Variants in TCIRG1 observed in about 807,000 individuals in gnomAD.
TCIRG1 encodes V-type proton ATPase 116 kDa subunit a 3.
Under a neutral mutation model 95.5 loss-of-function variants are expected in TCIRG1, and 86 were observed. That is an observed-to-expected ratio of 0.90 (90% CI 0.76 to 1.08). The LOEUF (loss-of-function observed/expected upper bound fraction) is 1.08, where lower values mean the gene tolerates loss of function less well. Among genes scored for constraint, TCIRG1 ranks in the 50% least tolerant of loss-of-function variants. The probability of loss-of-function intolerance (pLI) is 0.00; values close to 1 mark genes in which losing one functional copy is unlikely to be tolerated. For missense variants in TCIRG1, 1,069 were observed against 1,140.2 expected (o/e 0.94, Z 0.90); for synonymous variants, 499 against 501.3 (o/e 1.00, Z 0.06).
chr11:68,050,851 C>T lies in TCIRG1; in HGVS notation c.*32C>T. 1 of 1,607,556 alleles carries T rather than the reference C, an allele frequency of 6.2e-7. No individual in the cohort carries two copies. Among genetic ancestry groups the T allele is most frequent in the Non-Finnish European group, 8.5e-7 (1 of 1,176,996 alleles). Reference sequence around the variant, plus strand: ...CTGCAGGTCCTGCCAGACCTCCTTCCTGACCTCTGAGGCAGGAGAGGAATA... The same window carrying T: ...CTGCAGGTCCTGCCAGACCTCCTTCTTGACCTCTGAGGCAGGAGAGGAATA... On this transcript the variant is annotated 3_prime_UTR_variant, in exon 20 of 20. Coordinates refer to ENST00000265686, the MANE Select transcript of TCIRG1 (RefSeq NM_006019.4).
intron 10 of TCIRG1, among the ~76,000 whole-genome samples, chr11:68,046,106 G>A (rs12273861): frequency 6.6e-6 from 1 of 152,096 alleles, no homozygotes; most frequent in Non-Finnish European, 1.5e-5. Context: ...AGCACCAGCC[G>A]TCGGGGCAGC....
At position 68,047,966 on chromosome 11, in the gene TCIRG1, C is replaced by T. The variant is rs759410959; in HGVS notation, c.1548C>T (p.Ile516=). ...TCCTGGGACCCTACCCCTTTGGCAT[C>T]GATCCTGTGAGTCCTGGGATGGAGT... ...GVFLGPYPFG[I]DPIWSLAANH... is the part of the protein sequence containing the mutation. Residue 516 remains isoleucine, a synonymous_variant, in exon 13 of 20, where the codon ATC becomes ATT. Transcript: ENST00000265686. 9 of 1,613,484 alleles carry T rather than the reference C, an allele frequency of 5.6e-6. 1 individual carries two copies. Among genetic ancestry groups the T allele is most frequent in the South Asian group, 5.5e-5 (5 of 91,090 alleles).
At position 68,043,286 on chromosome 11, in the gene TCIRG1, G is replaced by C. The variant is rs919522080; in HGVS notation, c.504-85G>C. Reference sequence around the variant, plus strand: ...TGTGCCCAATTGCCCGATTGCCCGTGCTGGGCAGGGTCCTGCCCGGGGGGC... The same window carrying C: ...TGTGCCCAATTGCCCGATTGCCCGTCCTGGGCAGGGTCCTGCCCGGGGGGC... On this transcript the variant is annotated intron_variant, in intron 5 of 19. Transcript: ENST00000265686. The C allele has an allele frequency of 3.3e-6, 5 of 1,504,816 alleles. No homozygotes were observed. In the Admixed American group the frequency reaches 1.1e-4, roughly 33 times the overall value. 93.2% of individuals were successfully genotyped at this position (1,504,816 alleles called of 1,614,324 possible).
Position 68,050,206 on chromosome 11 carries a change from A to G in TCIRG1, c.2188A>G (p.Asn730Asp). ...CGAGTTCTGCCTGGGCTGCGTCTCC[A>G]ACACCGCCTCCTACCTGCGCCTGTG... ...TIEFCLGCVSNTASYLRLWAL... is the reference protein window; with the variant it reads ...TIEFCLGCVSDTASYLRLWAL... Residue 730 changes from asparagine to aspartate, a missense_variant, in exon 18 of 20, where the codon AAC (asparagine) becomes GAC (aspartate). Asn to Asp is a conservative substitution (Grantham distance 23). Transcript: ENST00000265686. The G allele has an allele frequency of 6.2e-7, 1 of 1,613,514 alleles. No individual in the cohort carries two copies. Among genetic ancestry groups the G allele is most frequent in the East Asian group, 2.2e-5 (1 of 44,840 alleles).
At chr11:68,052,399 G>A (rs1006328571), downstream of TCIRG1, 2 of 152,300 alleles carry the variant, frequency 1.3e-5, no homozygotes, top group Non-Finnish European at 2.9e-5. Context: ...AGGCAGAGGC[G>A]AGGGCTGAGT....
Position 68,050,184 on chromosome 11 carries a change from G to C in TCIRG1, c.2166G>C (p.Glu722Asp). ...TGCACCAGGCCATCCACACCATCGA[G>C]TTCTGCCTGGGCTGCGTCTCCAACA... ...VLMHQAIHTI[E>D]FCLGCVSNTA... Residue 722 changes from glutamate (E) to aspartate (D), a missense_variant, in exon 18 of 20, where the codon GAG becomes GAC. Transcript: ENST00000265686. 1 of 1,613,688 alleles carries C rather than the reference G, an allele frequency of 6.2e-7. No individual in the cohort carries two copies. Among genetic ancestry groups the C allele is most frequent in the Non-Finnish European group, 8.5e-7 (1 of 1,179,938 alleles).
chr11:68,044,071 C>T (rs895331456), intron 8 of TCIRG1, 61 bp from the exon 9 acceptor site: 2 of 1,447,348 alleles, frequency 1.4e-6, no homozygotes, highest in African/African-American at 1.4e-5. Flanking sequence ...GAGGTGGGTG[C>T]CCCCGGCCCA....
chr11:68,041,455 T>G, intron 2 of TCIRG1, 67 bp downstream of exon 2: 2 of 1,186,306 alleles, frequency 1.7e-6, no homozygotes, highest in Non-Finnish European at 2.5e-6. Context: ...CGGTCCAGGA[T>G]GGGGACTGCC....
At position 68,049,818 on chromosome 11, in the gene TCIRG1, T is replaced by G. The variant is rs761889459; in HGVS notation, c.2013+30T>G. ...GACCGGGGCCTAAGGTGTGGGGGGC[T>G]GCTTGCGGGGAGAGGCCACTGTCCG... On this transcript the variant is annotated intron_variant, in intron 16 of 19. Coordinates refer to ENST00000265686, the MANE Select transcript of TCIRG1 (RefSeq NM_006019.4). 3 of 1,560,588 alleles carry G rather than the reference T, an allele frequency of 1.9e-6. No homozygotes were observed. In the South Asian group the frequency reaches 3.5e-5, roughly 18 times the overall value.
At position 68,043,041 on chromosome 11, in the gene TCIRG1, G is replaced by C. The variant is rs898038011; in HGVS notation, c.503+10G>C. The stretch of plus-strand genomic sequence containing the variant: ...AGGACCTGAGGGTCAAGTGAGTGAG[G>C]GATGACCTCATGCCCTTTCTGGCCA... On this transcript the variant is annotated intron_variant, in intron 5 of 19. Coordinates refer to ENST00000265686, the MANE Select transcript of TCIRG1 (RefSeq NM_006019.4). The C allele has an allele frequency of 1.3e-6, 2 of 1,549,720 alleles. No individual in the cohort carries two copies. The highest frequency in any genetic ancestry group is 3.9e-5 in the Admixed American group (2 of 51,098).
chr11:68,047,102 C>A, intron 10 of TCIRG1: 2 of 394,390 alleles, frequency 5.1e-6, no homozygotes, highest in Non-Finnish European at 4.8e-6. Context: ...CCTCCGCCTC[C>A]CGGGTTCAAA....
At chr11:68,044,378 C>T (rs750456571) in intron 9 of TCIRG1, 34 bp downstream of exon 9, 28 of 1,510,642 alleles carry the variant, frequency 1.9e-5, no homozygotes, top group South Asian at 8.4e-5. Context: ...CCTCTCCGCC[C>T]GCCCCTCCTA....
At position 68,044,180 on chromosome 11, in the gene TCIRG1, C is replaced by T; in HGVS notation, c.856C>T (p.Leu286=). The change falls in exon 9 of 20, where the codon CTG becomes TTG. Residue 286 remains leucine (L), a synonymous_variant. Coordinates refer to ENST00000265686, the MANE Select transcript of TCIRG1 (RefSeq NM_006019.4). ...RFLSQVLGRV[L]QLLPPGQVQV... is the part of the protein sequence containing the mutation. The stretch of plus-strand genomic sequence containing the variant: ...CCTGAGCCAGGTGCTAGGCCGGGTG[C>T]TGCAGCTGCTGCCGCCAGGGCAGGT... The T allele has an allele frequency of 6.4e-7, 1 of 1,554,656 alleles. No homozygotes were observed. The highest frequency in any genetic ancestry group is 8.7e-7 in the Non-Finnish European group (1 of 1,149,540).
In TCIRG1 at chr11:68,042,668, G is replaced by A; in HGVS notation, c.222G>A (p.Arg74=). ...TFTFLQEEVR[R]AGLVLPPPKG... Reference sequence around the variant, plus strand: ...CCTTCCTGCAGGAGGAGGTGCGGCGGGCTGGGCTGGTCCTGCCCCCGCCAA... The same window carrying A: ...CCTTCCTGCAGGAGGAGGTGCGGCGAGCTGGGCTGGTCCTGCCCCCGCCAA... Residue 74 remains arginine, a synonymous_variant, in exon 4 of 20, where the codon CGG becomes CGA. Coordinates refer to ENST00000265686, the MANE Select transcript of TCIRG1 (RefSeq NM_006019.4). 6.5e-7 allele frequency: 1 copy of A among 1,547,192 alleles called. No homozygotes were observed. Among genetic ancestry groups the A allele is most frequent in the South Asian group, 1.2e-5 (1 of 83,912 alleles).
Position 68,043,197 on chromosome 11 carries a change from A to G in TCIRG1, c.503+166A>G, listed in dbSNP as rs373332017. ...TCCCACAGTCCCAAGCCCTAGCCCT[A>G]GGGGGTTCTCCTCTTCTGGTCCTGC... On this transcript the variant is annotated intron_variant, in intron 5 of 19. Coordinates refer to ENST00000265686, the MANE Select transcript of TCIRG1 (RefSeq NM_006019.4). The G allele has an allele frequency of 9.0e-4, 1,340 of 1,490,358 alleles. 9 individuals carry two copies. The African/African-American group carries it at 0.015, about 17-fold the overall frequency. The allele number at this position is 1,490,358 out of a possible 1,614,324, so 92.3% of individuals were successfully genotyped here.
At chr11:68,041,606 C>G in intron 2 of TCIRG1, 147 bp from the exon 3 acceptor site, 1 of 763,250 alleles carries the variant, frequency 1.3e-6, no homozygotes, top group Non-Finnish European at 2.2e-6. Context: ...GGTCTGTGCT[C>G]TGATCTGCGT....
rs1170180844 is a variant in TCIRG1, at chr11:68,042,640, C to T, written c.197-3C>T. Reference sequence around the variant, plus strand: ...CACCCCACTCCCGTTCCTCTGCGCCCAGCCTTCCTGCAGGAGGAGGTGCGG... The same window carrying T: ...CACCCCACTCCCGTTCCTCTGCGCCTAGCCTTCCTGCAGGAGGAGGTGCGG... On this transcript the variant is annotated splice_polypyrimidine_tract_variant and splice_region_variant and intron_variant, in intron 3 of 19. Coordinates refer to ENST00000265686, the MANE Select transcript of TCIRG1 (RefSeq NM_006019.4). 6.5e-7 allele frequency: 1 copy of T among 1,547,410 alleles called. No homozygotes were observed. Among genetic ancestry groups the T allele is most frequent in the Non-Finnish European group, 8.7e-7 (1 of 1,146,322 alleles).
chr11:68,052,919 A>G (rs1855846755), downstream of TCIRG1: 1 of 152,518 alleles, frequency 6.6e-6, no homozygotes, highest in African/African-American at 2.4e-5. Context: ...ATATATGCAC[A>G]AAAAACAATT....
At chr11:68,041,457 G>T in intron 2 of TCIRG1, 69 bp downstream of exon 2, 1 of 1,180,236 alleles carries the variant, frequency 8.5e-7, no homozygotes. Flanking sequence ...GTCCAGGATG[G>T]GGACTGCCCC....
Sources: gnomAD v4.1 joint callset for allele counts (sites outside exome capture counted in the v4.1 genomes callset) on GRCh38, gnomAD v4.1.1 for gene constraint, MANE v1.5 for transcripts, NCBI Gene and HGNC (gene_info 2026-07-23, HGNC 2026-07-21) for gene names.